Variants in ABHD12B observed in about 807,000 individuals in gnomAD.
The protein encoded by ABHD12B is protein ABHD12B.
Under a neutral mutation model 50.4 loss-of-function variants are expected in ABHD12B, and 42 were observed. That is an observed-to-expected ratio of 0.83 (90% CI 0.65 to 1.08). The LOEUF is 1.08. Ranked by LOEUF, ABHD12B falls within the 50% of genes least tolerant of loss-of-function variation. The probability of loss-of-function intolerance (pLI) is 0.00; values close to 1 mark genes in which losing one functional copy is unlikely to be tolerated. For synonymous variants in ABHD12B, 167 were observed against 160.3 expected (o/e 1.04, Z -0.32); for missense variants, 479 against 447.7 (o/e 1.07, Z -0.63).
chr14:50,875,264 G>A (rs1002242243), intron 1 of ABHD12B, among the ~76,000 whole-genome samples: 3 of 152,258 alleles, frequency 2.0e-5, no homozygotes, highest in African/African-American at 7.2e-5. Context: ...GGGTGTGAAG[G>A]AAGAGGGGAT....
intron 8 of ABHD12B, 72 bp from the exon 9 acceptor site, chr14:50,888,752 C>T: frequency 5.2e-6 from 7 of 1,340,392 alleles, no homozygotes; most frequent in Non-Finnish European, 7.4e-6. Flanking sequence ...ATCTTGAATA[C>T]CCCTTATCTA....
chr14:50,881,481 TGAAAGA>T, intron 4 of ABHD12B, 109 bp from the exon 5 acceptor site: 1 of 1,122,822 alleles, frequency 8.9e-7, no homozygotes, highest in South Asian at 1.7e-5. Context: ...TCCTCCAACC[TGAAAGA>T]GAAAGGCGTG....
Position 50,904,421 on chromosome 14 carries a change from T to C in ABHD12B, c.*55T>C, listed in dbSNP as rs545520538. The C allele has an allele frequency of 3.1e-6, 5 of 1,609,320 alleles. No individual in the cohort carries two copies. Among genetic ancestry groups the C allele is most frequent in the East Asian group, 2.2e-5 (1 of 44,862 alleles). On this transcript the variant is annotated 3_prime_UTR_variant, in exon 13 of 13. Coordinates refer to ENST00000337334, the MANE Select transcript of ABHD12B (RefSeq NM_001206673.2). ...GACTTGGCCCAAACACCACCTGTGA[T>C]GTATATTGTTCTAATGTAAAATTGT...
chr14:50,886,155 T>C (rs771722818), intron 7 of ABHD12B, among the ~76,000 whole-genome samples: 2 of 152,060 alleles, frequency 1.3e-5, no homozygotes, highest in Non-Finnish European at 2.9e-5. Flanking sequence ...AAAGGATCCT[T>C]GGCCAGGCGG....
intron 9 of ABHD12B, among the ~76,000 whole-genome samples, chr14:50,900,931 T>C (rs2050254460): frequency 6.6e-6 from 1 of 152,210 alleles, no homozygotes; most frequent in Non-Finnish European, 1.5e-5. Flanking sequence ...CACGTTAAAA[T>C]AATCATTCTG....
At chr14:50,878,173 C>T (rs1301050256) in intron 2 of ABHD12B, 94 bp downstream of exon 2, 3 of 1,134,172 alleles carry the variant, frequency 2.6e-6, no homozygotes, top group Non-Finnish European at 3.6e-6. Context: ...AAAGACATGT[C>T]AGCTGTAAAA....
At chr14:50,899,371 G>A (rs1343127483) in intron 9 of ABHD12B, among the ~76,000 whole-genome samples, 1 of 152,146 alleles carries the variant, frequency 6.6e-6, no homozygotes, top group African/African-American at 2.4e-5. Flanking sequence ...CAGAAAAATT[G>A]TATTTAAGTT....
At chr14:50,880,864 A>T (rs142338592) in intron 4 of ABHD12B, among the ~76,000 whole-genome samples, 1 of 152,350 alleles carries the variant, frequency 6.6e-6, no homozygotes, top group African/African-American at 2.4e-5. Flanking sequence ...GTCTGAAATG[A>T]TGGATTGAAC....
At chr14:50,882,659 C>G (rs1403889494) in intron 5 of ABHD12B, among the ~76,000 whole-genome samples, 1 of 151,690 alleles carries the variant, frequency 6.6e-6, no homozygotes, top group Admixed American at 6.6e-5. Flanking sequence ...GGATTACAGG[C>G]ATGAGCCACC....
At chr14:50,878,964 G>C (rs2049900700) in intron 3 of ABHD12B, 117 bp downstream of exon 3, 1 of 786,784 alleles carries the variant, frequency 1.3e-6, no homozygotes, top group Non-Finnish European at 2.1e-6. Context: ...GGAGGTACCT[G>C]GAGGCTGTTT....
At chr14:50,903,977 C>A in intron 11 of ABHD12B, 97 bp from the exon 12 acceptor site, 1 of 987,898 alleles carries the variant, frequency 1.0e-6, no homozygotes. Context: ...AACAAACTCC[C>A]CAAGTTAGCT....
At chr14:50,894,782 C>A (rs867873866) in intron 9 of ABHD12B, among the ~76,000 whole-genome samples, 2 of 144,022 alleles carry the variant, frequency 1.4e-5, no homozygotes, top group Admixed American at 1.3e-4. Context: ...GCCTGTCCCC[C>A]CAGTCCCAAC....
chr14:50,901,739 C>T (rs2050262111), intron 9 of ABHD12B, 90 bp from the exon 10 acceptor site: 1 of 742,368 alleles, frequency 1.3e-6, no homozygotes, highest in East Asian at 3.1e-5. Flanking sequence ...GCACTACTCT[C>T]TGTGTTACCC....
intron 5 of ABHD12B, 118 bp downstream of exon 5, chr14:50,881,744 G>T: frequency 8.3e-7 from 1 of 1,198,852 alleles, no homozygotes; most frequent in Non-Finnish European, 1.2e-6. Context: ...ACTGGTCAGG[G>T]TGGGTTGTGG....
intron 5 of ABHD12B, among the ~76,000 whole-genome samples, chr14:50,885,028 G>A (rs1005499385): frequency 9.2e-5 from 14 of 152,032 alleles, no homozygotes; most frequent in African/African-American, 3.4e-4. Context: ...TAGACCTAAA[G>A]GCGACTATTA....
intron 9 of ABHD12B, 52 bp from the exon 10 acceptor site, chr14:50,901,777 G>C (rs17123103): frequency 8.3e-7 from 1 of 1,205,116 alleles, no homozygotes; most frequent in East Asian, 2.6e-5. Flanking sequence ...CTATATAACA[G>C]ATGGCATAGC....
In ABHD12B at chr14:50,904,412, C is replaced by T. The variant is rs11157780; in HGVS notation, c.*46C>T. On this transcript the variant is annotated 3_prime_UTR_variant, in exon 13 of 13. Transcript: ENST00000337334. Reference sequence around the variant, plus strand: ...TTCAATGAAGACTTGGCCCAAACACCACCTGTGATGTATATTGTTCTAATG... The same window carrying T: ...TTCAATGAAGACTTGGCCCAAACACTACCTGTGATGTATATTGTTCTAATG... 0.21 allele frequency: 332,423 copies of T among 1,608,256 alleles called. 39,424 individuals are homozygous for T. The highest frequency in any genetic ancestry group is 0.45 in the East Asian group (20,086 of 44,802).
intron 3 of ABHD12B, 79 bp downstream of exon 3, chr14:50,878,926 A>G: frequency 8.4e-7 from 1 of 1,192,426 alleles, no homozygotes; most frequent in Non-Finnish European, 1.2e-6. Flanking sequence ...GTGCTGTGTT[A>G]CCTGCCCACG....
intron 1 of ABHD12B, among the ~76,000 whole-genome samples, chr14:50,873,998 T>C (rs951524712): frequency 6.6e-6 from 1 of 152,216 alleles, no homozygotes; most frequent in African/African-American, 2.4e-5. Context: ...TAAGATGTGC[T>C]GAGGCTGAGG....
Sources: gnomAD v4.1 joint callset for allele counts (sites outside exome capture counted in the v4.1 genomes callset) on GRCh38, gnomAD v4.1.1 for gene constraint, MANE v1.5 for transcripts, NCBI Gene and HGNC (gene_info 2026-07-23, HGNC 2026-07-21) for gene names.